CHEK2: variants seen among roughly 807,000 people sequenced by gnomAD.
CHEK2 encodes checkpoint kinase 2.
Under a neutral mutation model 69.1 loss-of-function variants are expected in CHEK2, and 71 were observed. That is an observed-to-expected ratio of 1.03 (90% CI 0.85 to 1.25). CHEK2 has a LOEUF of 1.25. Among genes scored for constraint, CHEK2 ranks in the 50% most tolerant of loss-of-function variants. The pLI, the probability that CHEK2 is intolerant of heterozygous loss-of-function variation, is 0.00. For missense variants in CHEK2, 664 were observed against 649.6 expected (o/e 1.02, Z -0.24); for synonymous variants, 189 against 226.9 (o/e 0.83, Z 1.50).
rs539091814 is a variant in CHEK2 at position 28,697,864 on chromosome 22, C to T, written c.1009-877G>A. 8.0e-4 allele frequency among the ~76,000 whole-genome samples: 122 copies of T among 152,166 alleles called. 2 individuals carry two copies. The highest frequency in any genetic ancestry group is 3.4e-3 in the Middle Eastern group (1 of 294). ...GTGCTGGGATTACAGGCATCAGCCA[C>T]CCTGCCTGGCCATATTTTTTTAGGA... On this transcript the variant is annotated intron_variant, in intron 9 of 14. Transcript: ENST00000404276.
chr22:28,722,439 C>G (rs2053821618), intron 4 of CHEK2, among the ~76,000 whole-genome samples: 1 of 149,054 alleles, frequency 6.7e-6, no homozygotes, highest in South Asian at 2.1e-4. Context: ...ACTTGGGAGG[C>G]TGAGGCAGGA....
intron 1 of CHEK2, chr22:28,737,267 G>A (rs562438614): frequency 1.3e-5 from 6 of 473,586 alleles, no homozygotes; most frequent in East Asian, 5.9e-5. Context: ...TACCATAGAC[G>A]TTAGCAGCCT....
intron 1 of CHEK2, among the ~76,000 whole-genome samples, chr22:28,737,031 A>C (rs2054431052): frequency 6.6e-6 from 1 of 151,826 alleles, no homozygotes; most frequent in Admixed American, 6.6e-5. Flanking sequence ...TCGGATTAAC[A>C]AAAAAAAGGG....
At position 28,719,499 on chromosome 22, in the gene CHEK2, G is replaced by A. The variant is rs145754558; in HGVS notation, c.593-14C>T. On this transcript the variant is annotated splice_polypyrimidine_tract_variant and intron_variant, in intron 4 of 14. Transcript: ENST00000404276. ...AAAAGACAAAAACTAAGGAAGAAAA[G>A]AGTAGAAATGGGTTTCATTAATTTA... 2,184 of 1,457,612 alleles carry A rather than the reference G, an allele frequency of 1.5e-3. 24 individuals are homozygous for A. Among genetic ancestry groups the A allele is most frequent in the East Asian group, 1.0e-2 (433 of 43,348 alleles). The allele number at this position is 1,457,612 out of a possible 1,614,324, so 90.3% of individuals were successfully genotyped here. A position where few individuals can be genotyped will look rare whatever the true frequency, so the allele number is the denominator to read the frequency against.
At chr22:28,690,628 CA>C (rs35236854) in intron 13 of CHEK2, among the ~76,000 whole-genome samples, 341 of 88,082 alleles carry the variant, frequency 3.9e-3, no homozygotes, top group Middle Eastern at 7.8e-3. Context: ...ACACTGTCTC[CA>C]AAAAAAAAAA....
At chr22:28,691,387 G>T (rs369276576) in intron 13 of CHEK2, among the ~76,000 whole-genome samples, 400 of 113,000 alleles carry the variant, frequency 3.5e-3, no homozygotes, top group South Asian at 7.3e-3. Context: ...GCTGATGCAG[G>T]AGAATCACTT....
At chr22:28,740,031 A>G (rs549608077) in intron 1 of CHEK2, among the ~76,000 whole-genome samples, 1 of 151,484 alleles carries the variant, frequency 6.6e-6, no homozygotes, top group African/African-American at 2.4e-5. Context: ...TGAAACCCCA[A>G]CTCTACTAAA....
intron 7 of CHEK2, among the ~76,000 whole-genome samples, chr22:28,706,905 G>T (rs2053174611): frequency 6.6e-6 from 1 of 152,126 alleles, no homozygotes; most frequent in Admixed American, 6.6e-5. Flanking sequence ...AACAGACGGA[G>T]ACTCCATCTC....
intron 5 of CHEK2, among the ~76,000 whole-genome samples, chr22:28,712,549 A>C (rs1381844380): frequency 6.6e-6 from 1 of 152,244 alleles, no homozygotes; most frequent in Non-Finnish European, 1.5e-5. Context: ...CGTATTACAC[A>C]ATCAGCCTAC....
intron 12 of CHEK2, among the ~76,000 whole-genome samples, chr22:28,694,558 A>G (rs1838467588): frequency 6.6e-6 from 1 of 152,212 alleles, no homozygotes; most frequent in Non-Finnish European, 1.5e-5. Flanking sequence ...AGCAAGCAAC[A>G]AATGCACGCT....
At chr22:28,737,474 CT>C (rs543703620) in intron 1 of CHEK2, among the ~76,000 whole-genome samples, 490 of 137,264 alleles carry the variant, frequency 3.6e-3, no homozygotes, top group Admixed American at 4.0e-3. Flanking sequence ...CTGATTATTT[CT>C]TTTTTTTTTT....
At chr22:28,720,769 T>C (rs895112338) in intron 4 of CHEK2, among the ~76,000 whole-genome samples, 2 of 152,244 alleles carry the variant, frequency 1.3e-5, no homozygotes, top group Admixed American at 1.3e-4. Flanking sequence ...CTTGTAGCTA[T>C]TCATAACGCT....
At chr22:28,700,212 T>C (rs1236952534) in intron 8 of CHEK2, among the ~76,000 whole-genome samples, 1 of 127,150 alleles carries the variant, frequency 7.9e-6, no homozygotes, top group South Asian at 2.6e-4. Context: ...CAGGAGTTGC[T>C]TTTTTTTTTT....
chr22:28,689,246 T>G (rs777394761), intron 13 of CHEK2, 31 bp from the exon 14 acceptor site: 2 of 1,358,536 alleles, frequency 1.5e-6, no homozygotes, highest in Admixed American at 1.7e-5. Context: ...TAAGTAGCTG[T>G]GTCTGAAGGA....
At chr22:28,727,336 C>T (rs538318756) in intron 2 of CHEK2, among the ~76,000 whole-genome samples, 4 of 152,262 alleles carry the variant, frequency 2.6e-5, no homozygotes, top group East Asian at 1.9e-4. Flanking sequence ...CCACCACACC[C>T]GGCCTCCCGC....
chr22:28,706,652 C>T (rs2053156219), intron 7 of CHEK2, among the ~76,000 whole-genome samples: 1 of 152,128 alleles, frequency 6.6e-6, no homozygotes, highest in Admixed American at 6.5e-5. Flanking sequence ...GGAGCAGTGG[C>T]TCACGTCTGT....
chr22:28,720,495 T>C (rs1601809008), intron 4 of CHEK2, among the ~76,000 whole-genome samples: 1 of 152,326 alleles, frequency 6.6e-6, no homozygotes, highest in Non-Finnish European at 1.5e-5. Context: ...TGTGATAAAT[T>C]ATCAAATATT....
intron 7 of CHEK2, among the ~76,000 whole-genome samples, chr22:28,708,363 A>ATGTGTTTGTGTGTGTGTG (rs371287570): frequency 4.4e-4 from 62 of 139,668 alleles, no homozygotes; most frequent in Non-Finnish European, 7.2e-4. Flanking sequence ...CTCTAAAAAT[A>ATGTGTTTGTGTGTGTGTG]TGTGTGTGTG....
chr22:28,696,933 G>C lies in CHEK2; in HGVS notation c.1063C>G (p.Leu355Val), dbSNP rs786201130. Residue 355 changes from leucine (L) to valine (V), a missense_variant, in exon 10 of 15, where the codon CTG becomes GTG. By Grantham distance (32) the Leu-to-Val change is conservative. Coordinates refer to ENST00000404276, the MANE Select transcript of CHEK2 (RefSeq NM_007194.4). The part of the protein sequence containing the change: ...HRDLKPENVL[L>V]SSQEEDCLIK... ...AGACAGTCCTCTTCTTGAGATGACAGTAAAACATTCTCTGGCTTTAAGTCA... is the reference window on the plus strand; with the variant it reads ...AGACAGTCCTCTTCTTGAGATGACACTAAAACATTCTCTGGCTTTAAGTCA... 5 of 1,613,262 alleles carry C rather than the reference G, an allele frequency of 3.1e-6. No individual in the cohort carries two copies. The highest frequency in any genetic ancestry group is 4.2e-6 in the Non-Finnish European group (5 of 1,179,272).
Sources: gnomAD v4.1 joint callset for allele counts (sites outside exome capture counted in the v4.1 genomes callset) on GRCh38, gnomAD v4.1.1 for gene constraint, MANE v1.5 for transcripts, NCBI Gene and HGNC (gene_info 2026-07-23, HGNC 2026-07-21) for gene names.